Variants in FHDC1 observed in about 807,000 individuals in gnomAD.
FHDC1 encodes the protein FH2 domain containing 1, also known as FH2 domain-containing protein 1.
Under a neutral mutation model 52.6 loss-of-function variants are expected in FHDC1, and 25 were observed. The observed-to-expected ratio is 0.48, with a 90% CI of 0.35 to 0.66. The LOEUF (loss-of-function observed/expected upper bound fraction) is 0.66. Among genes scored for constraint, FHDC1 ranks in the 30% least tolerant of loss-of-function variants. FHDC1 has a pLI of 0.01. For synonymous variants in FHDC1, 616 were observed against 581.5 expected (o/e 1.06, Z -0.85); for missense variants, 1,459 against 1,452.8 (o/e 1.00, Z -0.07).
intron 6 of FHDC1, among the ~76,000 whole-genome samples, chr4:152,962,133 A>T (rs1740297161): frequency 6.6e-6 from 1 of 152,200 alleles, no homozygotes; most frequent in African/African-American, 2.4e-5. Flanking sequence ...TAAAAATTTT[A>T]AATTTTGTTT....
intron 1 of FHDC1, among the ~76,000 whole-genome samples, chr4:152,941,526 T>C (rs1381155693): frequency 6.6e-6 from 1 of 152,198 alleles, no homozygotes; most frequent in Non-Finnish European, 1.5e-5. Flanking sequence ...TTTCCTCATA[T>C]TGTAGATGAG....
At chr4:152,964,261 G>C (rs956722705) in intron 8 of FHDC1, among the ~76,000 whole-genome samples, 4 of 152,114 alleles carry the variant, frequency 2.6e-5, no homozygotes, top group Admixed American at 2.6e-4. Flanking sequence ...AGAAGACAAA[G>C]GGCCATGTTT....
intron 6 of FHDC1, 94 bp from the exon 7 acceptor site, chr4:152,962,720 T>C: frequency 9.9e-7 from 1 of 1,011,020 alleles, no homozygotes; most frequent in South Asian, 1.3e-5. Context: ...CACAGTTTGC[T>C]TCAGATACAC....
chr4:152,929,596 A>T, the FHDC1 span, among the ~76,000 whole-genome samples: 1 of 151,962 alleles, frequency 6.6e-6, no homozygotes, highest in Non-Finnish European at 1.5e-5. This position sits in a 1 kb window ranked among gnomAD's most constrained non-coding sequence, Gnocchi z 4.1. Flanking sequence ...ACTTCTGTAG[A>T]CTCTGTACAT....
chr4:152,951,007 C>T lies in FHDC1; in HGVS notation c.499-2492C>T, dbSNP rs545774523. Among the ~76,000 whole-genome samples the T allele has an allele frequency of 3.9e-4, 59 of 152,286 alleles. No individual in the cohort carries two copies. The South Asian group carries it at 7.9e-3, about 20-fold the overall frequency. On this transcript the variant is annotated intron_variant, in intron 2 of 11. Transcript: ENST00000511601. ...TTCACTTTTCCTGCAGCAATGTCTC[C>T]GGATCTAGGCTGAGTGAAGAGAGTC...
At chr4:152,938,952 T>C (rs1739496708) in intron 1 of FHDC1, among the ~76,000 whole-genome samples, 1 of 151,978 alleles carries the variant, frequency 6.6e-6, no homozygotes, top group Admixed American at 6.6e-5. Flanking sequence ...CTGGTCCTCG[T>C]TCAGGAAAGC....
chr4:152,946,900 A>G (rs1315320660), intron 2 of FHDC1, among the ~76,000 whole-genome samples: 1 of 152,220 alleles, frequency 6.6e-6, no homozygotes, highest in Non-Finnish European at 1.5e-5. Context: ...CTTAGAAAGA[A>G]CAACACTTAA....
At chr4:152,918,601 TTA>T in the FHDC1 span, 1 of 152,240 alleles carries the variant, frequency 6.6e-6, no homozygotes, top group African/African-American at 2.4e-5. Context: ...CCTGATCACT[TTA>T]TCAAATTTCT....
At chr4:152,965,119 G>C in intron 9 of FHDC1, 144 bp downstream of exon 9, 1 of 707,882 alleles carries the variant, frequency 1.4e-6, no homozygotes, top group South Asian at 2.2e-5. Flanking sequence ...GCTTAACACA[G>C]GTGTGTGTGC....
chr4:152,922,035 C>T, the FHDC1 span, among the ~76,000 whole-genome samples: 3 of 152,028 alleles, frequency 2.0e-5, no homozygotes, highest in Non-Finnish European at 2.9e-5. Context: ...AATAGAGACA[C>T]AAAAAACCCT....
intron 4 of FHDC1, among the ~76,000 whole-genome samples, chr4:152,960,021 T>C (rs1740228122): frequency 6.6e-6 from 1 of 152,244 alleles, no homozygotes; most frequent in African/African-American, 2.4e-5. Flanking sequence ...CACAATAGAC[T>C]CTTCCTTTAA....
chr4:152,913,558 C>G, the FHDC1 span, among the ~76,000 whole-genome samples: 1 of 152,198 alleles, frequency 6.6e-6, no homozygotes, highest in South Asian at 2.1e-4. Flanking sequence ...TCGTAAAGTA[C>G]TACTTAAATA....
In FHDC1 at chr4:152,972,291, G is replaced by A. The variant is rs531854279; in HGVS notation, c.1219-86G>A. The A allele has an allele frequency of 5.4e-5, 74 of 1,359,762 alleles. No individual in the cohort carries two copies. In the African/African-American group the frequency reaches 8.7e-4, roughly 16 times the overall value. The allele number at this position is 1,359,762 out of a possible 1,614,324, so 84.2% of individuals were successfully genotyped here. A position where few individuals can be genotyped will look rare whatever the true frequency, so the allele number is the denominator to read the frequency against. ...GACCTGAAATGAAACCCCAGAGCAC[G>A]TCTTCTCTGGGCACCGGATGCAGTG... On this transcript the variant is annotated intron_variant, in intron 10 of 11. Coordinates refer to ENST00000511601, the MANE Select transcript of FHDC1 (RefSeq NM_001371116.1).
At chr4:152,949,793 G>A (rs1216972863) in intron 2 of FHDC1, among the ~76,000 whole-genome samples, 5 of 152,160 alleles carry the variant, frequency 3.3e-5, no homozygotes, top group Non-Finnish European at 7.4e-5. Context: ...GGCCCCCTTC[G>A]CATCCTAGCA....
intron 2 of FHDC1, among the ~76,000 whole-genome samples, chr4:152,948,691 C>T (rs1396212991): frequency 3.3e-5 from 5 of 152,010 alleles, no homozygotes; most frequent in South Asian, 2.1e-4. Context: ...CCTGACCTCA[C>T]GTGATTTGCC....
At chr4:152,915,550 T>A in the FHDC1 span, among the ~76,000 whole-genome samples, 2 of 152,240 alleles carry the variant, frequency 1.3e-5, no homozygotes, top group African/African-American at 2.4e-5. Flanking sequence ...AGTACACTTA[T>A]AACTTACTCT....
intron 2 of FHDC1, among the ~76,000 whole-genome samples, chr4:152,949,428 T>C (rs1016676997): frequency 2.6e-5 from 4 of 152,032 alleles, no homozygotes; most frequent in Non-Finnish European, 5.9e-5. Flanking sequence ...TGCAGTGAGC[T>C]ATGATCACAC....
Position 152,977,393 on chromosome 4 carries a change from G to A in FHDC1, c.*670G>A, listed in dbSNP as rs773189775. 3 of 152,134 alleles carry A rather than the reference G, an allele frequency of 2.0e-5. No homozygotes were observed. The highest frequency in any genetic ancestry group is 4.4e-5 in the Non-Finnish European group (3 of 68,030). 9.4% of individuals were successfully genotyped at this position (152,134 alleles called of 1,614,324 possible). ...AAACAAAACAAAACAAAAATGAAAT[G>A]TTCTAGTTTTGGTTCCTTTTGCAGA... On this transcript the variant is annotated 3_prime_UTR_variant, in exon 12 of 12. Transcript: ENST00000511601.
chr4:152,958,319 A>G (rs532199466), intron 4 of FHDC1, among the ~76,000 whole-genome samples: 1 of 152,274 alleles, frequency 6.6e-6, no homozygotes, highest in South Asian at 2.1e-4. Context: ...TTTTTTGGTA[A>G]TGAGAATGCA....
Sources: allele counts gnomAD v4.1 joint callset (sites outside exome capture counted in the v4.1 genomes callset), GRCh38; gene constraint gnomAD v4.1.1; non-coding constraint Gnocchi (gnomAD v3.1); transcripts MANE v1.5; gene names NCBI Gene and HGNC (gene_info 2026-07-23, HGNC 2026-07-21).